Variants in DCC observed in about 807,000 individuals in gnomAD.
The protein encoded by DCC is netrin receptor DCC.
In DCC, 58 loss-of-function variants were observed where a neutral mutation model predicts 172.5. That is an observed-to-expected ratio of 0.34 (90% CI 0.27 to 0.42). The LOEUF is 0.42. DCC is among the 10% of genes least tolerant of loss of function. The pLI is 1.00. For synonymous variants in DCC, 709 were observed against 644.5 expected (o/e 1.10, Z -1.52); for missense variants, 1,740 against 1,791.0 (o/e 0.97, Z 0.51).
intron 6 of DCC, among the ~76,000 whole-genome samples, chr18:53,065,552 AT>A (rs956224293): frequency 1.3e-5 from 2 of 152,164 alleles, no homozygotes; most frequent in African/African-American, 4.8e-5. Flanking sequence ...TATTTAAAGA[AT>A]TTTTAGATAT....
At chr18:52,839,351 A>C (rs2038766271) in intron 2 of DCC, among the ~76,000 whole-genome samples, 1 of 152,152 alleles carries the variant, frequency 6.6e-6, no homozygotes, top group African/African-American at 2.4e-5. Flanking sequence ...CTACCCACCT[A>C]ATTAGGCATG....
At chr18:53,198,685 C>T (rs73960220) in intron 9 of DCC, among the ~76,000 whole-genome samples, 6,203 of 152,120 alleles carry the variant, frequency 0.041, 399 homozygotes, top group African/African-American at 0.14. Context: ...TCATTTACTC[C>T]AACATAAGTA....
intron 5 of DCC, among the ~76,000 whole-genome samples, chr18:53,011,801 C>T (rs963324611): frequency 6.6e-6 from 1 of 151,550 alleles, no homozygotes; most frequent in African/African-American, 2.4e-5. Flanking sequence ...TTCATATTAA[C>T]CTATATGGCA....
intron 1 of DCC, among the ~76,000 whole-genome samples, chr18:52,635,816 T>TC (rs35838562): frequency 0.37 from 56,052 of 151,882 alleles, 10,784 homozygotes; most frequent in Admixed American, 0.49. Context: ...AGAATTAAAC[T>TC]CCCCCCAAAA....
intron 12 of DCC, among the ~76,000 whole-genome samples, chr18:53,255,659 G>C (rs1386973238): frequency 6.6e-6 from 1 of 152,090 alleles, no homozygotes. Flanking sequence ...ATTGGGAATA[G>C]TGCCGCAGTA....
chr18:53,284,155 G>C (rs914058989), intron 12 of DCC, among the ~76,000 whole-genome samples: 3 of 152,080 alleles, frequency 2.0e-5, no homozygotes, highest in Non-Finnish European at 4.4e-5. Flanking sequence ...ACCCTGTACA[G>C]GCTTAGACCC....
At chr18:52,713,409 G>A (rs1032523291) in intron 1 of DCC, among the ~76,000 whole-genome samples, 1 of 152,210 alleles carries the variant, frequency 6.6e-6, no homozygotes, top group African/African-American at 2.4e-5. Context: ...GAGCAGAGGA[G>A]AGAGAACAAG....
intron 3 of DCC, among the ~76,000 whole-genome samples, chr18:52,909,126 C>T (rs1248575035): frequency 6.6e-6 from 1 of 152,174 alleles, no homozygotes; most frequent in Non-Finnish European, 1.5e-5. Flanking sequence ...ATCTCTGCTT[C>T]TCTTAGTTGC....
At chr18:52,417,469 T>C (rs1305235727) in intron 1 of DCC, among the ~76,000 whole-genome samples, 1 of 152,184 alleles carries the variant, frequency 6.6e-6, no homozygotes, top group Non-Finnish European at 1.5e-5. Flanking sequence ...GAGAGTGTTT[T>C]CTAACTTGGT....
intron 2 of DCC, among the ~76,000 whole-genome samples, chr18:52,793,967 G>A (rs565624268): frequency 2.0e-5 from 3 of 148,192 alleles, no homozygotes; most frequent in South Asian, 2.3e-4. Context: ...TTAATTTCTC[G>A]GTTTTCTATT....
At chr18:53,326,316 A>G (rs553010262) in intron 14 of DCC, among the ~76,000 whole-genome samples, 4 of 152,314 alleles carry the variant, frequency 2.6e-5, no homozygotes, top group African/African-American at 9.6e-5. Context: ...ACTGAAAGCC[A>G]TTTCAGAGCA....
intron 1 of DCC, among the ~76,000 whole-genome samples, chr18:52,470,506 A>G (rs558315062): frequency 7.9e-5 from 12 of 152,160 alleles, no homozygotes; most frequent in Non-Finnish European, 1.8e-4. Context: ...TAGTCTGTAT[A>G]CTCTGGGATC....
intron 22 of DCC, among the ~76,000 whole-genome samples, chr18:53,443,062 A>T (rs1912372485): frequency 6.6e-6 from 1 of 152,234 alleles, no homozygotes; most frequent in South Asian, 2.1e-4. Flanking sequence ...GCAGGAAGTT[A>T]TCCAGAAGAT....
At chr18:53,340,481 C>A (rs2057646064) in intron 15 of DCC, among the ~76,000 whole-genome samples, 3 of 152,118 alleles carry the variant, frequency 2.0e-5, no homozygotes, top group Admixed American at 2.0e-4. Flanking sequence ...AAAACTCCAT[C>A]CTGCATGTTT....
At chr18:52,874,764 T>C (rs184364307) in intron 2 of DCC, among the ~76,000 whole-genome samples, 10 of 152,196 alleles carry the variant, frequency 6.6e-5, no homozygotes, top group African/African-American at 2.4e-4. Context: ...AAGTTTATTA[T>C]ATTTAGAGGT....
intron 7 of DCC, among the ~76,000 whole-genome samples, chr18:53,096,447 A>G (rs1037281396): frequency 7.9e-5 from 12 of 152,194 alleles, no homozygotes; most frequent in Non-Finnish European, 1.6e-4. Context: ...TCAGATCTCT[A>G]GTTGAGTAAA....
intron 7 of DCC, among the ~76,000 whole-genome samples, chr18:53,085,992 C>A (rs1568294158): frequency 1.6e-4 from 8 of 48,690 alleles, no homozygotes; most frequent in African/African-American, 1.3e-3. Context: ...TCTTCTTCTC[C>A]TTCTCCTTCT....
intron 1 of DCC, among the ~76,000 whole-genome samples, chr18:52,385,070 T>C (rs1255791389): frequency 6.6e-6 from 1 of 152,114 alleles, no homozygotes; most frequent in African/African-American, 2.4e-5. Context: ...AGATGCCTTC[T>C]AGGGTGATAA....
rs547253621 is a variant in DCC at position 52,781,870 on chromosome 18, G to GTTT, written c.412+29502_412+29504dup. Among the ~76,000 whole-genome samples the GTTT allele has an allele frequency of 2.6e-3, 396 of 151,786 alleles. 1 individual carries two copies. The highest frequency in any genetic ancestry group is 0.01 in the Middle Eastern group (3 of 292). ...AGAAGAACAAAGCTTATATTACTTT[G>GTTT]TTTTTTTTATACTACCAGGGCATAT... On this transcript the variant is annotated intron_variant, in intron 2 of 28. Transcript: ENST00000442544.
Sources: gnomAD v4.1 joint callset for allele counts (sites outside exome capture counted in the v4.1 genomes callset) on GRCh38, gnomAD v4.1.1 for gene constraint, MANE v1.5 for transcripts, NCBI Gene and HGNC (gene_info 2026-07-23, HGNC 2026-07-21) for gene names.